Variants in MCTP1 observed in about 807,000 individuals in gnomAD.
The protein encoded by MCTP1 is multiple C2 and transmembrane domain containing 1, also known as multiple C2 and transmembrane domain-containing protein 1.
Under a neutral mutation model 120.6 loss-of-function variants are expected in MCTP1, and 69 were observed. The ratio of observed to expected loss-of-function variants is 0.57; its 90% CI spans 0.47 to 0.70. The LOEUF is 0.70. MCTP1 is among the 30% of genes least tolerant of loss of function. MCTP1 has a pLI of 0.00. For missense variants in MCTP1, 1,203 were observed against 1,248.8 expected, an observed-to-expected ratio of 0.96 and a Z score of 0.55; for synonymous variants, 529 against 493.1, an observed-to-expected ratio of 1.07 and a Z score of -0.96.
At chr5:95,124,532 GA>G (rs1400826265) in intron 1 of MCTP1, among the ~76,000 whole-genome samples, 2 of 152,214 alleles carry the variant, frequency 1.3e-5, no homozygotes, top group Non-Finnish European at 2.9e-5. Context: ...GTTTGAATAT[GA>G]GTAAGATTCC....
rs947769679 is a variant in MCTP1, at chr5:95,190,374, C to T, written c.720+93482G>A. On this transcript the variant is annotated intron_variant, in intron 1 of 22. Transcript: ENST00000515393. The stretch of plus-strand genomic sequence containing the variant: ...CCTGAGATGCTAAATATAAAGACAG[C>T]ATTTAATTATTCTGAGTCAGTTATC... Among the ~76,000 whole-genome samples, 7 of 152,200 alleles carry T rather than the reference C, an allele frequency of 4.6e-5. No individual in the cohort carries two copies. In the East Asian group the frequency reaches 1.2e-3, roughly 25 times the overall value.
At chr5:95,120,119 G>T (rs1053310801) in intron 1 of MCTP1, among the ~76,000 whole-genome samples, 17 of 142,406 alleles carry the variant, frequency 1.2e-4, no homozygotes, top group African/African-American at 3.3e-4. Context: ...AGAGCTTGTA[G>T]TTAGCGGAGA....
At chr5:95,227,282 CACA>C (rs1354608710) in intron 1 of MCTP1, among the ~76,000 whole-genome samples, 2 of 152,112 alleles carry the variant, frequency 1.3e-5, no homozygotes, top group African/African-American at 2.4e-5. Context: ...ACTGTTTAAT[CACA>C]ACACCTTATA....
intron 18 of MCTP1, among the ~76,000 whole-genome samples, chr5:94,791,127 A>AAG (rs1554098915): frequency 8.0e-5 from 12 of 149,558 alleles, no homozygotes; most frequent in African/African-American, 2.7e-4. Context: ...AAAAAAAAAA[A>AAG]AAAAAAGAAA....
intron 19 of MCTP1, among the ~76,000 whole-genome samples, chr5:94,751,634 A>C (rs1768339395): frequency 6.6e-6 from 1 of 152,084 alleles, no homozygotes; most frequent in Non-Finnish European, 1.5e-5. Context: ...CCCAGAAGGA[A>C]TGCATAAAGC....
At position 94,710,890 on chromosome 5, in the gene MCTP1, C is replaced by T; in HGVS notation, c.2758G>A (p.Ala920Thr). The T allele has an allele frequency of 6.2e-7, 1 of 1,612,826 alleles. No homozygotes were observed. The highest frequency in any genetic ancestry group is 1.3e-5 in the African/African-American group (1 of 74,916). Residue 920 changes from alanine (A) to threonine (T), a missense_variant, in exon 21 of 23, where the codon GCC becomes ACC. By Grantham distance (58) the Ala-to-Thr change is moderately conservative. Around this residue, in one of 2 missense-constraint regions of MCTP1, gnomAD observed 740 missense variants for 871.1 expected, o/e 0.85. Transcript: ENST00000515393. ...GTGAACACACAGAGGGCTACAATGG[C>T]CAGCCAGCTTAAGAATGGGACAGTC... ...NWTVPFLSWL[A>T]IVALCVFTAI...
At chr5:95,098,018 C>T (rs1368933430) in intron 1 of MCTP1, among the ~76,000 whole-genome samples, 1 of 152,164 alleles carries the variant, frequency 6.6e-6, no homozygotes, top group Admixed American at 6.5e-5. Context: ...AAGTTTCTGA[C>T]ATATTTTTCT....
intron 3 of MCTP1, among the ~76,000 whole-genome samples, chr5:94,947,213 T>TATGGTTAATATCCCCATAGG (rs1819165332): frequency 6.6e-6 from 1 of 152,084 alleles, no homozygotes; most frequent in Non-Finnish European, 1.5e-5. Flanking sequence ...CACCAAGCAA[T>TATGGTTAATATCCCCATAGG]ATGGTTAATA....
chr5:95,031,388 A>G (rs1028713830), intron 1 of MCTP1, among the ~76,000 whole-genome samples: 5 of 152,156 alleles, frequency 3.3e-5, no homozygotes, highest in African/African-American at 1.2e-4. Context: ...GATAGACAAA[A>G]CAGCCAAATT....
intron 1 of MCTP1, chr5:95,081,529 T>C (rs1754932109): frequency 6.3e-7 from 1 of 1,583,464 alleles, no homozygotes; most frequent in Non-Finnish European, 8.6e-7. Flanking sequence ...GTGAGAGAAC[T>C]GCATATTTAG....
At position 95,263,368 on chromosome 5, in the gene MCTP1, C is replaced by T. The variant is rs572276041; in HGVS notation, c.720+20488G>A. 1.1e-3 allele frequency among the ~76,000 whole-genome samples: 172 copies of T among 152,234 alleles called. 2 individuals carry two copies. The highest frequency in any genetic ancestry group is 3.9e-3 in the African/African-American group (160 of 41,530). Reference sequence around the variant, plus strand: ...CAAGTCTGTAGTTAGCATCTCATGCCTCCCTTCCCATGCACCTCCATTCAA... The same window carrying T: ...CAAGTCTGTAGTTAGCATCTCATGCTTCCCTTCCCATGCACCTCCATTCAA... On this transcript the variant is annotated intron_variant, in intron 1 of 22. Transcript: ENST00000515393.
At chr5:95,134,778 G>A (rs1217483038) in intron 1 of MCTP1, among the ~76,000 whole-genome samples, 2 of 151,956 alleles carry the variant, frequency 1.3e-5, no homozygotes, top group African/African-American at 4.8e-5. Flanking sequence ...CAATGATACA[G>A]GTAGGCTGGA....
rs143941881 is a variant in MCTP1 at position 94,914,468 on chromosome 5, A to G, written c.1351-1492T>C. Among the ~76,000 whole-genome samples, 533 of 152,350 alleles carry G rather than the reference A, an allele frequency of 3.5e-3. 3 individuals carry two copies. The highest frequency in any genetic ancestry group is 6.1e-3 in the Admixed American group (94 of 15,298). ...GAGTGCTTCTATTAGGAAAATGAAA[A>G]CTACATTCTTCAAAAGATAATACTT... On this transcript the variant is annotated intron_variant, in intron 8 of 22. Coordinates refer to ENST00000515393, the MANE Select transcript of MCTP1 (RefSeq NM_024717.7).
At chr5:94,931,907 G>A in intron 6 of MCTP1, 46 bp downstream of exon 6, 1 of 1,438,310 alleles carries the variant, frequency 7.0e-7, no homozygotes, top group Non-Finnish European at 9.7e-7. Flanking sequence ...GCAGATGATA[G>A]TTCTGCTCAA....
chr5:95,079,150 C>T (rs1290958799), intron 1 of MCTP1, among the ~76,000 whole-genome samples: 2 of 152,162 alleles, frequency 1.3e-5, no homozygotes, highest in Non-Finnish European at 2.9e-5. Flanking sequence ...AGCTTTCCTA[C>T]TTGGGTTTAT....
At chr5:94,830,676 T>C (rs1328010377) in intron 17 of MCTP1, among the ~76,000 whole-genome samples, 2 of 152,230 alleles carry the variant, frequency 1.3e-5, no homozygotes, top group Non-Finnish European at 2.9e-5. Flanking sequence ...AAGTTCCTTA[T>C]GGAGGAAATA....
chr5:95,025,036 A>C (rs988715910), intron 1 of MCTP1, among the ~76,000 whole-genome samples: 1 of 152,168 alleles, frequency 6.6e-6, no homozygotes, highest in African/African-American at 2.4e-5. Flanking sequence ...TCATAATTTC[A>C]ATGACGTTAT....
At chr5:95,085,777 T>C (rs768154026) in intron 1 of MCTP1, among the ~76,000 whole-genome samples, 87 of 152,252 alleles carry the variant, frequency 5.7e-4, no homozygotes, top group Admixed American at 3.4e-3. Flanking sequence ...GATGCTGAAA[T>C]ACCAAGAGTC....
intron 7 of MCTP1, among the ~76,000 whole-genome samples, chr5:94,919,285 TTTAG>T: frequency 6.6e-6 from 1 of 152,180 alleles, no homozygotes; most frequent in East Asian, 1.9e-4. Flanking sequence ...ATATTCCAGT[TTTAG>T]TTTAAAAAGT....
Sources: gnomAD v4.1 joint callset for allele counts (sites outside exome capture counted in the v4.1 genomes callset) on GRCh38, gnomAD v4.1.1 for gene constraint, gnomAD v4.1.1 regional missense constraint, MANE v1.5 for transcripts, NCBI Gene and HGNC (gene_info 2026-07-23, HGNC 2026-07-21) for gene names.